The following CAST variants were observed in gnomAD, a reference collection of about 807,000 sequenced individuals.
The protein encoded by CAST is MIR583 host.
Under a neutral mutation model 119.6 loss-of-function variants are expected in CAST, and 76 were observed. The ratio of observed to expected loss-of-function variants is 0.64; its 90% CI spans 0.53 to 0.77. The LOEUF (loss-of-function observed/expected upper bound fraction) is 0.77. Among genes scored for constraint, CAST ranks in the 30% least tolerant of loss-of-function variants. CAST has a pLI of 0.00. For synonymous variants in CAST, 319 were observed against 331.6 expected (o/e 0.96, Z 0.41); for missense variants, 953 against 946.5 (o/e 1.01, Z -0.09).
the CAST span, among the ~76,000 whole-genome samples, chr5:96,422,353 C>G: frequency 6.6e-6 from 1 of 152,178 alleles, no homozygotes; most frequent in East Asian, 1.9e-4. Flanking sequence ...ACACTCATCT[C>G]TCTTATGAAT....
rs754629904 is a variant in CAST, at chr5:96,773,268, G to GT, written c.*653dup. On this transcript the variant is annotated 3_prime_UTR_variant, in exon 32 of 32. Coordinates refer to ENST00000675179, the MANE Select transcript of CAST (RefSeq NM_001750.7). ...TTCAGTTTGAACTCTTCTTTGCCAG[G>GT]TGTGAGGACTTCTGCATCTTACAGT... 9.8e-5 allele frequency: 15 copies of GT among 153,472 alleles called. No homozygotes were observed. The highest frequency in any genetic ancestry group is 1.6e-4 in the Non-Finnish European group (11 of 68,036). The allele number at this position is 153,472 out of a possible 1,614,324, so 9.5% of individuals were successfully genotyped here.
At chr5:96,110,143 A>C in the CAST span, among the ~76,000 whole-genome samples, 1 of 152,198 alleles carries the variant, frequency 6.6e-6, no homozygotes, top group Non-Finnish European at 1.5e-5. Flanking sequence ...ATACAACACC[A>C]AATAAATACT....
intron 1 of CAST, chr5:96,663,308 C>T (rs368366077): frequency 2.9e-6 from 2 of 686,348 alleles, no homozygotes; most frequent in Non-Finnish European, 5.3e-6. Context: ...GTGCGACCTC[C>T]TCGCAGACCT....
chr5:96,624,377 AGT>A (rs1186691179), intron 1 of CAST, among the ~76,000 whole-genome samples: 1 of 152,222 alleles, frequency 6.6e-6, no homozygotes, highest in Non-Finnish European at 1.5e-5. Context: ...CAATCTTGCA[AGT>A]GTGTGTGTGC....
the CAST span, among the ~76,000 whole-genome samples, chr5:96,448,680 C>G: frequency 6.6e-6 from 1 of 152,038 alleles, no homozygotes; most frequent in Non-Finnish European, 1.5e-5. Flanking sequence ...TACAGACACT[C>G]TAAATATCTA....
At chr5:96,551,477 A>G (rs1746124771) in intron 1 of CAST, among the ~76,000 whole-genome samples, 1 of 152,216 alleles carries the variant, frequency 6.6e-6, no homozygotes, top group African/African-American at 2.4e-5. Flanking sequence ...CCAAATTGTA[A>G]AGACCATCGA....
chr5:96,577,017 C>T (rs1746684361), intron 1 of CAST, among the ~76,000 whole-genome samples: 1 of 152,102 alleles, frequency 6.6e-6, no homozygotes, highest in Non-Finnish European at 1.5e-5. Flanking sequence ...CAGTGTGTGT[C>T]GTTCCCCTTC....
At chr5:96,751,229 A>G (rs1223541973) in intron 20 of CAST, among the ~76,000 whole-genome samples, 1 of 151,982 alleles carries the variant, frequency 6.6e-6, no homozygotes, top group African/African-American at 2.4e-5. Context: ...TCCATTAGTT[A>G]ATGATTGAAT....
chr5:96,700,586 CCA>C (rs1753754631), intron 3 of CAST, among the ~76,000 whole-genome samples: 1 of 152,156 alleles, frequency 6.6e-6, no homozygotes, highest in Admixed American at 6.5e-5. Flanking sequence ...GCTTTGGCAA[CCA>C]CATTTTGAGT....
intron 24 of CAST, among the ~76,000 whole-genome samples, chr5:96,759,246 C>G (rs1232257712): frequency 6.6e-6 from 1 of 152,136 alleles, no homozygotes; most frequent in Admixed American, 6.6e-5. Flanking sequence ...AGAAGTATCA[C>G]ATATGGCTCA....
At chr5:96,733,675 C>T (rs1368769395) in intron 9 of CAST, among the ~76,000 whole-genome samples, 2 of 152,100 alleles carry the variant, frequency 1.3e-5, no homozygotes, top group Non-Finnish European at 2.9e-5. Context: ...GTCAGGAGCT[C>T]AAGACCAGCC....
intron 31 of CAST, chr5:96,771,906 A>AT (rs1772513974): frequency 2.4e-6 from 1 of 409,060 alleles, no homozygotes; most frequent in Admixed American, 4.3e-5. Context: ...TGAAATGTTT[A>AT]AAAACCTTAA....
At position 96,741,516 on chromosome 5, in the gene CAST, C is replaced by T. The variant is rs1762655763; in HGVS notation, c.1034C>T (p.Ala345Val). 7.4e-6 allele frequency: 12 copies of T among 1,613,256 alleles called. No individual in the cohort carries two copies. The highest frequency in any genetic ancestry group is 3.3e-5 in the Admixed American group (2 of 59,970). Reference sequence around the variant, plus strand: ...CAGGAATCTACAGAAGTTTTAAAAGCTCAGTCAGCAGGGACAGTCAGAAGT... The same window carrying T: ...CAGGAATCTACAGAAGTTTTAAAAGTTCAGTCAGCAGGGACAGTCAGAAGT... ...EKEESTEVLK[A>V]QSAGTVRSAA... Residue 345 changes from alanine to valine, a missense_variant, in exon 15 of 32, where the codon GCT (alanine) becomes GTT (valine). Physicochemically the swap from Ala to Val is moderately conservative, Grantham distance 64. Transcript: ENST00000675179.
At chr5:96,056,372 T>C in the CAST span, among the ~76,000 whole-genome samples, 7 of 152,132 alleles carry the variant, frequency 4.6e-5, no homozygotes, top group Non-Finnish European at 5.9e-5. Flanking sequence ...CCTCCTTCCT[T>C]TGGGCTATAA....
intron 1 of CAST, among the ~76,000 whole-genome samples, chr5:96,577,210 G>A (rs186079870): frequency 6.6e-6 from 1 of 152,026 alleles, no homozygotes; most frequent in Non-Finnish European, 1.5e-5. Flanking sequence ...TGATCATAAA[G>A]TTGGTCACAG....
intron 11 of CAST, among the ~76,000 whole-genome samples, chr5:96,738,691 G>A (rs766260937): frequency 6.6e-6 from 1 of 152,072 alleles, no homozygotes; most frequent in Non-Finnish European, 1.5e-5. Context: ...CCAGCACTTT[G>A]GGAGGCCGAG....
At chr5:96,621,233 A>G (rs1166396671) in intron 1 of CAST, among the ~76,000 whole-genome samples, 3 of 152,224 alleles carry the variant, frequency 2.0e-5, no homozygotes, top group East Asian at 3.8e-4. Context: ...TTCACACACT[A>G]CAGAGGTTGA....
chr5:96,350,901 T>C, the CAST span, among the ~76,000 whole-genome samples: 2 of 152,168 alleles, frequency 1.3e-5, no homozygotes, highest in African/African-American at 4.8e-5. Context: ...AAAATGGCTC[T>C]TGATTTCCCC....
At chr5:96,767,397 C>T in intron 27 of CAST, 41 bp from the exon 28 acceptor site, 1 of 1,546,564 alleles carries the variant, frequency 6.5e-7, no homozygotes, top group South Asian at 1.1e-5. Flanking sequence ...TAAACCTTTA[C>T]AGATATCTAT....
Sources: gnomAD v4.1 joint callset for allele counts (sites outside exome capture counted in the v4.1 genomes callset) on GRCh38, gnomAD v4.1.1 for gene constraint, MANE v1.5 for transcripts, NCBI Gene and HGNC (gene_info 2026-07-23, HGNC 2026-07-21) for gene names.